Variants in NUP98 observed in about 807,000 individuals in gnomAD.
The protein encoded by NUP98 is nuclear pore complex protein Nup98-Nup96.
Under a neutral mutation model 191.9 loss-of-function variants are expected in NUP98, and 26 were observed. The ratio of observed to expected loss-of-function variants is 0.14; its 90% CI spans 0.10 to 0.19. NUP98 has a LOEUF of 0.19. Ranked by LOEUF, NUP98 falls within the 10% of genes least tolerant of loss-of-function variation. The pLI, the probability that NUP98 is intolerant of heterozygous loss-of-function variation, is 1.00. For missense variants in NUP98, 1,941 were observed against 2,178.8 expected (o/e 0.89, Z 2.17); for synonymous variants, 808 against 778.4 (o/e 1.04, Z -0.63).
At chr11:3,712,420 C>T in intron 20 of NUP98, 144 bp downstream of exon 20, 1 of 1,455,296 alleles carries the variant, frequency 6.9e-7, no homozygotes, top group Non-Finnish European at 9.0e-7. Flanking sequence ...CACGCCCTCC[C>T]TTGCACTTGT....
chr11:3,797,075 C>G (rs112148235), intron 1 of NUP98, among the ~76,000 whole-genome samples: 2 of 152,234 alleles, frequency 1.3e-5, no homozygotes, highest in Non-Finnish European at 2.9e-5. Flanking sequence ...GCGCTGACCC[C>G]GGAAAGGCCA....
At chr11:3,680,674 T>C (rs1347635862) in intron 30 of NUP98, among the ~76,000 whole-genome samples, 5 of 152,060 alleles carry the variant, frequency 3.3e-5, no homozygotes, top group Non-Finnish European at 5.9e-5. Flanking sequence ...GCCTCCCGAA[T>C]AGCTGCGACC....
chr11:3,732,234 C>T (rs555873232), intron 13 of NUP98, among the ~76,000 whole-genome samples: 2 of 151,936 alleles, frequency 1.3e-5, no homozygotes, highest in African/African-American at 2.4e-5. Flanking sequence ...GGTGACAGAG[C>T]GAGACTCTTT....
chr11:3,689,528 C>CA lies in NUP98; in HGVS notation c.4454+1818dup, dbSNP rs1052112626. Among the ~76,000 whole-genome samples, 81 of 146,704 alleles carry CA rather than the reference C, an allele frequency of 5.5e-4. 1 individual carries two copies. The highest frequency in any genetic ancestry group is 1.3e-3 in the South Asian group (6 of 4,548). On this transcript the variant is annotated intron_variant, in intron 28 of 32. Transcript: ENST00000324932. ...GGCAACTGAGCAAGAGAGTCTGTCT[C>CA]AAAAAAAAAACCAAAAAACAAAACA...
rs1350572586 is a variant in NUP98, at chr11:3,729,383, G to T, written c.1730+2008C>A. On this transcript the variant is annotated intron_variant, in intron 14 of 32. Transcript: ENST00000324932. ...ATTATGAAAGTGAATCAAGGAGGAG[G>T]GACAAGATCAACTGCGTAAAATGCT... Among the ~76,000 whole-genome samples, 3 of 151,482 alleles carry T rather than the reference G, an allele frequency of 2.0e-5. No individual in the cohort carries two copies. The Admixed American group carries it at 2.0e-4, about 10-fold the overall frequency.
chr11:3,688,773 C>T (rs1035895798), intron 28 of NUP98, among the ~76,000 whole-genome samples: 12 of 131,686 alleles, frequency 9.1e-5, no homozygotes, highest in Non-Finnish European at 1.6e-4. Flanking sequence ...CTAGACTGGG[C>T]GACAGAGAGA....
chr11:3,780,437 GA>G (rs2081924089), intron 2 of NUP98, among the ~76,000 whole-genome samples: 1 of 150,280 alleles, frequency 6.7e-6, no homozygotes, highest in African/African-American at 2.4e-5. Flanking sequence ...AGCTACCGGG[GA>G]GGCTGAGGCA....
chr11:3,754,166 C>T (rs564217787), intron 10 of NUP98, among the ~76,000 whole-genome samples: 103 of 152,248 alleles, frequency 6.8e-4, no homozygotes, highest in African/African-American at 2.2e-3. Context: ...TGGTGGCTTA[C>T]GCCTGTAATC....
intron 18 of NUP98, among the ~76,000 whole-genome samples, chr11:3,718,970 A>G (rs375032426): frequency 4.6e-5 from 7 of 151,894 alleles, no homozygotes; most frequent in African/African-American, 1.7e-4. Context: ...AAATACAAAA[A>G]TTAGCCAGGC....
chr11:3,769,815 C>T (rs577758141), intron 7 of NUP98, among the ~76,000 whole-genome samples: 1 of 151,738 alleles, frequency 6.6e-6, no homozygotes, highest in African/African-American at 2.4e-5. Context: ...GAGGCCGAGG[C>T]GGGTGGATCA....
chr11:3,768,221 A>C (rs557838349), intron 8 of NUP98, among the ~76,000 whole-genome samples: 3 of 152,168 alleles, frequency 2.0e-5, no homozygotes, highest in Non-Finnish European at 2.9e-5. Flanking sequence ...GGAGATCGAG[A>C]CCATCCTGGC....
At chr11:3,679,733 A>C in intron 30 of NUP98, 25 bp from the exon 31 acceptor site, 2 of 1,608,810 alleles carry the variant, frequency 1.2e-6, no homozygotes, top group Non-Finnish European at 1.7e-6. Context: ...TATTGAGCAC[A>C]ATGTCTGCAC....
In NUP98 at chr11:3,740,121, T is replaced by C. The variant is rs554326843; in HGVS notation, c.1408+4388A>G. On this transcript the variant is annotated intron_variant, in intron 12 of 32. Transcript: ENST00000324932. ...CCAAGGGTCTACTAGTATGATCAAATGACGCGTATCTACCTTGGAGAATCC... is the reference window on the plus strand; with the variant it reads ...CCAAGGGTCTACTAGTATGATCAAACGACGCGTATCTACCTTGGAGAATCC... Among the ~76,000 whole-genome samples, 8 of 152,256 alleles carry C rather than the reference T, an allele frequency of 5.3e-5. No individual in the cohort carries two copies. In the South Asian group the frequency reaches 1.7e-3, roughly 32 times the overall value.
In NUP98 at chr11:3,706,638, C is replaced by G. The variant is rs2078870454; in HGVS notation, c.2743-11G>C. On this transcript the variant is annotated splice_polypyrimidine_tract_variant and intron_variant, in intron 20 of 32. Transcript: ENST00000324932. The stretch of plus-strand genomic sequence containing the variant: ...CTCTGGGCTCTGGCTCTGTAGACAG[C>G]AGAAAGATCAGGAAAGCAGCATTAA... The G allele has an allele frequency of 3.7e-6, 6 of 1,610,310 alleles. No individual in the cohort carries two copies. In the Admixed American group the frequency reaches 6.7e-5, roughly 18 times the overall value.
At chr11:3,688,916 TGTAA>T (rs1157794052) in intron 28 of NUP98, among the ~76,000 whole-genome samples, 1 of 148,286 alleles carries the variant, frequency 6.7e-6, no homozygotes, top group Non-Finnish European at 1.5e-5. Flanking sequence ...AAACAAAAAC[TGTAA>T]GTATTTCTAA....
intron 24 of NUP98, among the ~76,000 whole-genome samples, chr11:3,700,194 G>GA (rs1342588700): frequency 7.4e-6 from 1 of 135,302 alleles, no homozygotes; most frequent in Non-Finnish European, 1.5e-5. Context: ...TCTCTACTAA[G>GA]AATACAAAAA....
At chr11:3,738,776 C>CAAAA (rs58460963) in intron 12 of NUP98, among the ~76,000 whole-genome samples, 4 of 67,166 alleles carry the variant, frequency 6.0e-5, no homozygotes, top group East Asian at 4.7e-4. Flanking sequence ...AGACTCCTCT[C>CAAAA]AAAAAAAAAA....
At chr11:3,712,332 A>C in intron 20 of NUP98, 3 of 1,321,232 alleles carry the variant, frequency 2.3e-6, no homozygotes, top group Non-Finnish European at 2.9e-6. Flanking sequence ...TAAAAATGAC[A>C]ATCTGTAGAG....
chr11:3,679,404 A>G (rs1234534033), intron 31 of NUP98, 150 bp downstream of exon 31: 22 of 910,780 alleles, frequency 2.4e-5, no homozygotes, highest in Non-Finnish European at 3.6e-5. Context: ...AGAAACGGTT[A>G]TATCAAATGA....
Sources: gnomAD v4.1 joint callset for allele counts (sites outside exome capture counted in the v4.1 genomes callset) on GRCh38, gnomAD v4.1.1 for gene constraint, MANE v1.5 for transcripts, NCBI Gene and HGNC (gene_info 2026-07-23, HGNC 2026-07-21) for gene names.